Variants in EBF2 observed in about 807,000 individuals in gnomAD.
EBF2 encodes transcription factor COE2.
A neutral mutation model predicts 72.8 loss-of-function variants in EBF2; 21 were observed. The ratio of observed to expected loss-of-function variants is 0.29; its 90% CI spans 0.20 to 0.42. EBF2 has a LOEUF of 0.42. Ranked by LOEUF, EBF2 falls within the 10% of genes least tolerant of loss-of-function variation. EBF2 has a pLI of 1.00. For synonymous variants in EBF2, 299 were observed against 274.2 expected, an observed-to-expected ratio of 1.09 and a Z score of -0.89; for missense variants, 637 against 731.2, an observed-to-expected ratio of 0.87 and a Z score of 1.49.
Position 26,044,718 on chromosome 8 carries a change from C to G in EBF2, c.131+11G>C, listed in dbSNP as rs1805673091. The G allele has an allele frequency of 6.2e-7, 1 of 1,613,382 alleles. No homozygotes were observed. Among genetic ancestry groups the G allele is most frequent in the African/African-American group, 1.3e-5 (1 of 74,994 alleles). On this transcript the variant is annotated intron_variant, in intron 1 of 15. Transcript: ENST00000520164. This position sits in a 1 kb window ranked among gnomAD's most constrained non-coding sequence, Gnocchi z 4.1. ...AGAGACAGCATAATAATTGCGCGGC[C>G]GTGTCGTTACCTCTGCGCGGCGACA...
intron 6 of EBF2, among the ~76,000 whole-genome samples, chr8:25,934,385 C>T (rs967325269): frequency 3.3e-5 from 5 of 152,114 alleles, no homozygotes; most frequent in Non-Finnish European, 2.9e-5. Flanking sequence ...TCTGATAATT[C>T]TGCTATTTTA....
chr8:26,020,931 G>C (rs931048333), intron 6 of EBF2, among the ~76,000 whole-genome samples: 1 of 152,164 alleles, frequency 6.6e-6, no homozygotes, highest in African/African-American at 2.4e-5. Flanking sequence ...TCTTGTTCAA[G>C]CGTCAGCCAC....
chr8:25,845,356 C>T (rs1801811818), intron 15 of EBF2, among the ~76,000 whole-genome samples: 1 of 152,102 alleles, frequency 6.6e-6, no homozygotes, highest in South Asian at 2.1e-4. Flanking sequence ...GCCTCTGCCT[C>T]CTGAGTAGCT....
chr8:25,919,922 A>G (rs1047262290), intron 6 of EBF2, among the ~76,000 whole-genome samples: 5 of 152,214 alleles, frequency 3.3e-5, no homozygotes, highest in African/African-American at 9.6e-5. Flanking sequence ...AAGCAATGCT[A>G]TTACTTGGGT....
chr8:26,017,838 T>C (rs1023670131), intron 6 of EBF2, among the ~76,000 whole-genome samples: 1 of 152,224 alleles, frequency 6.6e-6, no homozygotes, highest in Non-Finnish European at 1.5e-5. Flanking sequence ...AGAAGGGGTT[T>C]CACTGTGCCA....
intron 6 of EBF2, among the ~76,000 whole-genome samples, chr8:26,006,925 A>G (rs1804892586): frequency 6.6e-6 from 1 of 152,228 alleles, no homozygotes. Flanking sequence ...TCCTCTGACC[A>G]TATTTACATT....
Position 25,862,801 on chromosome 8 carries a change from A to C in EBF2, c.1010-4T>G. On this transcript the variant is annotated splice_polypyrimidine_tract_variant and splice_region_variant and intron_variant, in intron 10 of 15. Coordinates refer to ENST00000520164, the MANE Select transcript of EBF2 (RefSeq NM_022659.4). ...TCTATGGTGGGTTCATTTAATGCTG[A>C]AAGAGAAAAGTCCTCTTTCTGAGTT... is the stretch of plus-strand genomic sequence containing the variant. 1 of 1,579,288 alleles carries C rather than the reference A, an allele frequency of 6.3e-7. No homozygotes were observed. The highest frequency in any genetic ancestry group is 8.6e-7 in the Non-Finnish European group (1 of 1,162,270).
chr8:26,013,712 G>A (rs116855142), intron 6 of EBF2, among the ~76,000 whole-genome samples: 2,274 of 151,654 alleles, frequency 0.015, 23 homozygotes, highest in African/African-American at 0.027. Context: ...AAAAATCAAG[G>A]CAAGACACAA....
intron 10 of EBF2, among the ~76,000 whole-genome samples, chr8:25,882,104 C>A (rs530207621): frequency 6.6e-6 from 1 of 152,272 alleles, no homozygotes; most frequent in South Asian, 2.1e-4. Context: ...CTGAGTAACA[C>A]AAGCCGCCTA....
intron 15 of EBF2, among the ~76,000 whole-genome samples, chr8:25,847,317 A>G (rs1371105135): frequency 1.3e-5 from 2 of 152,150 alleles, no homozygotes; most frequent in Admixed American, 6.5e-5. Flanking sequence ...GTGTATCTCT[A>G]AAAAGATGGA....
intron 9 of EBF2, 137 bp from the exon 10 acceptor site, chr8:25,887,018 G>C: frequency 2.5e-6 from 2 of 814,660 alleles, no homozygotes; most frequent in Non-Finnish European, 3.6e-6. Context: ...AGTACTCCTA[G>C]CTCCAAATGC....
chr8:26,040,815 C>G (rs2117266341), intron 3 of EBF2, 124 bp downstream of exon 3: 1 of 1,501,642 alleles, frequency 6.7e-7, no homozygotes, highest in East Asian at 2.4e-5. Flanking sequence ...TCCCCTGTCC[C>G]AGGCAAGCCT....
chr8:25,852,371 C>CAAAG (rs918235618), intron 14 of EBF2, among the ~76,000 whole-genome samples: 8 of 152,030 alleles, frequency 5.3e-5, no homozygotes, highest in Middle Eastern at 6.3e-3. Flanking sequence ...AATTAGAAGC[C>CAAAG]AAAGAAAAGC....
intron 6 of EBF2, among the ~76,000 whole-genome samples, chr8:25,936,049 G>C (rs954587786): frequency 6.6e-6 from 1 of 152,182 alleles, no homozygotes; most frequent in African/African-American, 2.4e-5. Flanking sequence ...GTGAAGTGTT[G>C]CTCAGGAATG....
chr8:25,957,327 G>C (rs1182772831), intron 6 of EBF2, among the ~76,000 whole-genome samples: 1 of 152,098 alleles, frequency 6.6e-6, no homozygotes, highest in Non-Finnish European at 1.5e-5. Context: ...ACAAACAAAG[G>C]CTCTAAAATA....
chr8:26,036,566 G>T (rs1176120728), intron 5 of EBF2, among the ~76,000 whole-genome samples: 1 of 151,214 alleles, frequency 6.6e-6, no homozygotes, highest in African/African-American at 2.4e-5. Flanking sequence ...TTTTAGAAAA[G>T]TTCTCACTAA....
intron 7 of EBF2, among the ~76,000 whole-genome samples, chr8:25,895,158 T>A (rs1034087371): frequency 6.6e-6 from 1 of 152,176 alleles, no homozygotes; most frequent in Non-Finnish European, 1.5e-5. Flanking sequence ...GTATTACAGC[T>A]CAAAGCCTGC....
chr8:25,859,017 G>C (rs1802157901), intron 13 of EBF2, among the ~76,000 whole-genome samples: 1 of 152,056 alleles, frequency 6.6e-6, no homozygotes, highest in Non-Finnish European at 1.5e-5. Context: ...CCATGCCCTT[G>C]ATACTCCATT....
chr8:25,909,926 A>AT (rs1215479936), intron 6 of EBF2, among the ~76,000 whole-genome samples: 1 of 151,980 alleles, frequency 6.6e-6, no homozygotes, highest in Non-Finnish European at 1.5e-5. Flanking sequence ...TTTTTTCATG[A>AT]TTTTATAACA....
Sources: gnomAD v4.1 joint callset for allele counts (sites outside exome capture counted in the v4.1 genomes callset) on GRCh38, gnomAD v4.1.1 for gene constraint, Gnocchi (gnomAD v3.1) non-coding constraint, MANE v1.5 for transcripts, NCBI Gene and HGNC (gene_info 2026-07-23, HGNC 2026-07-21) for gene names.